The following DAD1 variants were observed in gnomAD, a reference collection of about 807,000 sequenced individuals.
DAD1 encodes the protein defender against cell death 1, also known as dolichyl-diphosphooligosaccharide--protein glycosyltransferase subunit DAD1.
In DAD1, 4 loss-of-function variants were observed where a neutral mutation model predicts 9.0. That is an observed-to-expected ratio of 0.44 (90% CI 0.22 to 1.01). The LOEUF (loss-of-function observed/expected upper bound fraction) is 1.01, where lower values mean the gene tolerates loss of function less well. Among genes scored for constraint, DAD1 ranks in the 50% least tolerant of loss-of-function variants. The pLI is 0.24. For synonymous variants in DAD1, 60 were observed against 62.5 expected, an observed-to-expected ratio of 0.96 and a Z score of 0.19; for missense variants, 119 against 137.3, an observed-to-expected ratio of 0.87 and a Z score of 0.67.
At chr14:22,583,775 G>T (rs1014065651) in intron 1 of DAD1, among the ~76,000 whole-genome samples, 5 of 152,092 alleles carry the variant, frequency 3.3e-5, no homozygotes, top group Non-Finnish European at 7.4e-5. Context: ...GCTTTCACAG[G>T]AAAGAGACAC....
intron 1 of DAD1, among the ~76,000 whole-genome samples, chr14:22,579,255 T>G (rs1216443194): frequency 6.7e-6 from 1 of 149,904 alleles, no homozygotes; most frequent in African/African-American, 2.5e-5. Flanking sequence ...AGGAATACAC[T>G]CTTCCGAAGT....
At chr14:22,580,346 G>A (rs1416186645) in intron 1 of DAD1, among the ~76,000 whole-genome samples, 1 of 152,014 alleles carries the variant, frequency 6.6e-6, no homozygotes, top group Middle Eastern at 3.2e-3. Context: ...CTTGAGCCCA[G>A]GAGGTAGAGG....
chr14:22,572,777 C>G (rs2037050348), intron 2 of DAD1, among the ~76,000 whole-genome samples: 1 of 152,152 alleles, frequency 6.6e-6, no homozygotes, highest in Non-Finnish European at 1.5e-5. Flanking sequence ...GTGTCCCCTT[C>G]CTAAGTACAC....
chr14:22,576,546 T>C (rs935009813), intron 1 of DAD1, among the ~76,000 whole-genome samples: 1 of 152,238 alleles, frequency 6.6e-6, no homozygotes, highest in African/African-American at 2.4e-5. Flanking sequence ...AAAAGTTTTA[T>C]GGCATTGGAT....
chr14:22,583,692 G>C (rs7147961), intron 1 of DAD1, among the ~76,000 whole-genome samples: 49 of 152,016 alleles, frequency 3.2e-4, no homozygotes, highest in African/African-American at 1.1e-3. Context: ...TTAATGACAC[G>C]GAACAGAGGA....
In DAD1 at chr14:22,564,923, T is replaced by C; in HGVS notation, c.*259A>G. 3.5e-6 allele frequency: 2 copies of C among 574,064 alleles called. No homozygotes were observed. Among genetic ancestry groups the C allele is most frequent in the South Asian group, 4.5e-5 (2 of 44,572 alleles). The allele number at this position is 574,064 out of a possible 1,614,324, so 35.6% of individuals were successfully genotyped here. A position where few individuals can be genotyped will look rare whatever the true frequency, so the allele number is the denominator to read the frequency against. On this transcript the variant is annotated 3_prime_UTR_variant, in exon 3 of 3. Coordinates refer to ENST00000250498, the MANE Select transcript of DAD1 (RefSeq NM_001344.4). ...AGGCATATGGAGGAGTGGCATGGAG[T>C]TCTTTAATTTGGAAGGCAAAAGGTT...
At chr14:22,583,783 C>T (rs1328225320) in intron 1 of DAD1, among the ~76,000 whole-genome samples, 2 of 152,028 alleles carry the variant, frequency 1.3e-5, no homozygotes, top group African/African-American at 2.4e-5. Context: ...AGGAAAGAGA[C>T]ACATCATCCA....
chr14:22,566,933 G>A (rs1192546128), intron 2 of DAD1, among the ~76,000 whole-genome samples: 1 of 152,144 alleles, frequency 6.6e-6, no homozygotes, highest in Non-Finnish European at 1.5e-5. Flanking sequence ...AAAAGCAGAG[G>A]TTCTAGGATT....
chr14:22,575,277 T>C (rs773855114), intron 1 of DAD1, 44 bp from the exon 2 acceptor site: 3 of 1,597,526 alleles, frequency 1.9e-6, no homozygotes, highest in East Asian at 2.3e-5. Context: ...TATAGAAGTA[T>C]AAAATAAATA....
At chr14:22,569,783 CA>C (rs1432352335) in intron 2 of DAD1, among the ~76,000 whole-genome samples, 2 of 152,150 alleles carry the variant, frequency 1.3e-5, no homozygotes, top group Non-Finnish European at 2.9e-5. Context: ...GTAAAGTCAT[CA>C]ATTAGCACTT....
chr14:22,585,977 C>T (rs1374312730), intron 1 of DAD1, among the ~76,000 whole-genome samples: 3 of 152,126 alleles, frequency 2.0e-5, no homozygotes, highest in Non-Finnish European at 4.4e-5. Flanking sequence ...GAGGCCGAGG[C>T]GGGCGAATCA....
Position 22,588,940 on chromosome 14 carries a change from C to G in DAD1, c.211+7G>C. The G allele has an allele frequency of 6.2e-7, 1 of 1,613,858 alleles. No individual in the cohort carries two copies. The highest frequency in any genetic ancestry group is 8.5e-7 in the Non-Finnish European group (1 of 1,179,846). On this transcript the variant is annotated splice_region_variant and intron_variant, in intron 1 of 2. Coordinates refer to ENST00000250498, the MANE Select transcript of DAD1 (RefSeq NM_001344.4). ...ATTATTATTATGATCACTTATAGAA[C>G]CATTACCCGCTAGGATGAAACTCCC...
intron 2 of DAD1, among the ~76,000 whole-genome samples, chr14:22,568,407 C>T (rs928839310): frequency 6.6e-6 from 1 of 152,168 alleles, no homozygotes; most frequent in African/African-American, 2.4e-5. Flanking sequence ...TAACTTTCTG[C>T]CTCCTATAAA....
At chr14:22,568,376 G>A (rs1287640932) in intron 2 of DAD1, among the ~76,000 whole-genome samples, 2 of 152,218 alleles carry the variant, frequency 1.3e-5, no homozygotes, top group Non-Finnish European at 2.9e-5. Context: ...ATACAAATAT[G>A]TGCATCTTGT....
chr14:22,574,887 A>G lies in DAD1; in HGVS notation c.*44+172T>C, dbSNP rs5742799. ...GAAAGACAAGGCAATGACCAAGAGCAGTAGCACTGATGAATTATGATGATA... is the reference window on the plus strand; with the variant it reads ...GAAAGACAAGGCAATGACCAAGAGCGGTAGCACTGATGAATTATGATGATA... On this transcript the variant is annotated intron_variant, in intron 2 of 2. Transcript: ENST00000250498. 0.091 allele frequency among the ~76,000 whole-genome samples: 13,901 copies of G among 152,292 alleles called. 1,181 individuals are homozygous for G. Among genetic ancestry groups the G allele is most frequent in the African/African-American group, 0.22 (9,213 of 41,524 alleles).
chr14:22,577,209 G>T (rs1212944060), intron 1 of DAD1, among the ~76,000 whole-genome samples: 1 of 152,146 alleles, frequency 6.6e-6, no homozygotes, highest in Non-Finnish European at 1.5e-5. Context: ...TGAACCAGGC[G>T]GATCACCCGA....
At chr14:22,570,805 C>A (rs1314952046) in intron 2 of DAD1, among the ~76,000 whole-genome samples, 3 of 152,110 alleles carry the variant, frequency 2.0e-5, no homozygotes, top group Non-Finnish European at 4.4e-5. Context: ...CAAAACAATG[C>A]TAACAAGGCA....
At chr14:22,574,370 G>A (rs2037063214) in intron 2 of DAD1, among the ~76,000 whole-genome samples, 1 of 152,178 alleles carries the variant, frequency 6.6e-6, no homozygotes, top group Non-Finnish European at 1.5e-5. Context: ...CATATGTGAT[G>A]AAGGCCAAGC....
At chr14:22,570,314 TC>T (rs2037029965) in intron 2 of DAD1, among the ~76,000 whole-genome samples, 1 of 152,064 alleles carries the variant, frequency 6.6e-6, no homozygotes, top group Non-Finnish European at 1.5e-5. Context: ...GTCTTGGTCT[TC>T]CCCCACACAA....
Sources: gnomAD v4.1 joint callset for allele counts (sites outside exome capture counted in the v4.1 genomes callset) on GRCh38, gnomAD v4.1.1 for gene constraint, MANE v1.5 for transcripts, NCBI Gene and HGNC (gene_info 2026-07-23, HGNC 2026-07-21) for gene names.